PTPRD: variants seen among roughly 807,000 people sequenced by gnomAD.
The protein encoded by PTPRD is receptor-type tyrosine-protein phosphatase delta.
PTPRD carries 34 observed loss-of-function variants against 214.5 expected under a neutral mutation model. The ratio of observed to expected loss-of-function variants is 0.16; its 90% CI spans 0.12 to 0.21. The LOEUF is 0.21. Ranked by LOEUF, PTPRD falls within the 10% of genes least tolerant of loss-of-function variation. The pLI is 1.00. For synonymous variants in PTPRD, 1,128 were observed against 845.7 expected, an observed-to-expected ratio of 1.33 and a Z score of -5.79; for missense variants, 2,545 against 2,398.7, an observed-to-expected ratio of 1.06 and a Z score of -1.27.
chr9:8,674,810 TC>T (rs1463855484), intron 12 of PTPRD, among the ~76,000 whole-genome samples: 1 of 152,200 alleles, frequency 6.6e-6, no homozygotes, highest in Non-Finnish European at 1.5e-5. Flanking sequence ...AGCTTATACT[TC>T]ACTATTTTCC....
chr9:10,123,173 A>T (rs1174740332), intron 3 of PTPRD, among the ~76,000 whole-genome samples: 2 of 152,248 alleles, frequency 1.3e-5, no homozygotes, highest in African/African-American at 2.4e-5. Flanking sequence ...AGCAAAAAAG[A>T]TATTGAGAAA....
intron 8 of PTPRD, among the ~76,000 whole-genome samples, chr9:9,435,040 C>G (rs557822296): frequency 7.2e-5 from 11 of 151,776 alleles, no homozygotes; most frequent in Non-Finnish European, 1.3e-4. Context: ...ATGGAGTAAA[C>G]TGATAATTAG....
At position 8,877,492 on chromosome 9, in the gene PTPRD, T is replaced by G. The variant is rs186674795; in HGVS notation, c.-104+141205A>C. Among the ~76,000 whole-genome samples the G allele has an allele frequency of 5.1e-3, 770 of 152,322 alleles. 10 individuals carry two copies. The highest frequency in any genetic ancestry group is 0.018 in the African/African-American group (742 of 41,576). On this transcript the variant is annotated intron_variant, in intron 11 of 45. Transcript: ENST00000381196. The stretch of plus-strand genomic sequence containing the variant: ...GAATTCAGAGCAATAATAAATTAAC[T>G]TATTAAAAATAAATAGATTCTAATA...
chr9:10,176,777 C>A (rs574467441), intron 3 of PTPRD, among the ~76,000 whole-genome samples: 135 of 151,830 alleles, frequency 8.9e-4, no homozygotes, highest in Non-Finnish European at 1.1e-3. Flanking sequence ...GTACTACATT[C>A]CAAAGAAGAA....
At chr9:10,263,592 C>G (rs566092122) in intron 3 of PTPRD, among the ~76,000 whole-genome samples, 1 of 152,218 alleles carries the variant, frequency 6.6e-6, no homozygotes, top group African/African-American at 2.4e-5. Flanking sequence ...TTTAAGGTAT[C>G]TGGCGGAAGA....
At chr9:8,576,631 CA>C (rs71317371) in intron 14 of PTPRD, among the ~76,000 whole-genome samples, 2,737 of 115,948 alleles carry the variant, frequency 0.024, 43 homozygotes, top group East Asian at 0.078. Flanking sequence ...GCTAATGCAG[CA>C]AAAAAAAAAA....
intron 30 of PTPRD, among the ~76,000 whole-genome samples, chr9:8,481,577 C>T (rs2096886431): frequency 6.6e-6 from 1 of 152,022 alleles, no homozygotes; most frequent in Non-Finnish European, 1.5e-5. Flanking sequence ...ATCCCTTTGC[C>T]ATGCTGCTCT....
intron 8 of PTPRD, among the ~76,000 whole-genome samples, chr9:9,556,220 G>A (rs143063431): frequency 2.9e-4 from 44 of 152,232 alleles, no homozygotes; most frequent in African/African-American, 7.7e-4. Flanking sequence ...ATTAGAAAGC[G>A]AAAATATATT....
intron 8 of PTPRD, among the ~76,000 whole-genome samples, chr9:9,502,480 A>C (rs2096451300): frequency 6.6e-6 from 1 of 152,032 alleles, no homozygotes; most frequent in African/African-American, 2.4e-5. Flanking sequence ...TACCATACGT[A>C]TATGTATTTC....
chr9:9,539,148 T>C (rs2077078613), intron 8 of PTPRD, among the ~76,000 whole-genome samples: 1 of 151,838 alleles, frequency 6.6e-6, no homozygotes, highest in African/African-American at 2.4e-5. Context: ...AGGAGTTACT[T>C]AAAACAGGGT....
chr9:8,916,334 A>AT (rs1203089148), intron 11 of PTPRD, among the ~76,000 whole-genome samples: 2 of 152,334 alleles, frequency 1.3e-5, no homozygotes, highest in East Asian at 3.9e-4. Context: ...TTATTATGAC[A>AT]ATTATGACTG....
intron 44 of PTPRD, among the ~76,000 whole-genome samples, chr9:8,329,850 A>G: frequency 6.6e-6 from 1 of 152,118 alleles, no homozygotes; most frequent in South Asian, 2.1e-4. Context: ...CAGCAATGGC[A>G]GATGCCTCTC....
At chr9:9,474,683 T>A (rs1186485727) in intron 8 of PTPRD, among the ~76,000 whole-genome samples, 1 of 27,204 alleles carries the variant, frequency 3.7e-5, no homozygotes, top group African/African-American at 8.4e-5. Context: ...ATTCCTAGGG[T>A]TTTTTTTGTA....
At chr9:8,672,754 T>C (rs567329866) in intron 12 of PTPRD, among the ~76,000 whole-genome samples, 2 of 151,140 alleles carry the variant, frequency 1.3e-5, no homozygotes, top group African/African-American at 4.9e-5. Context: ...ATTATGAAAT[T>C]TTTAGTTAAG....
At chr9:9,787,620 AG>A (rs1281729874) in intron 5 of PTPRD, among the ~76,000 whole-genome samples, 2 of 152,048 alleles carry the variant, frequency 1.3e-5, no homozygotes, top group Non-Finnish European at 2.9e-5. Context: ...ACCAGGTAAA[AG>A]GGATTTGGGA....
At chr9:9,776,037 G>A (rs1199359198) in intron 5 of PTPRD, among the ~76,000 whole-genome samples, 3 of 149,874 alleles carry the variant, frequency 2.0e-5, no homozygotes, top group African/African-American at 7.4e-5. Context: ...CATCACCTAG[G>A]TTAATATAAG....
intron 14 of PTPRD, among the ~76,000 whole-genome samples, chr9:8,579,315 T>A (rs1016692570): frequency 1.3e-5 from 2 of 152,216 alleles, no homozygotes; most frequent in Non-Finnish European, 2.9e-5. Flanking sequence ...TATATAATCC[T>A]CAGTAAGAAA....
chr9:8,617,387 G>C (rs182397010), intron 14 of PTPRD, among the ~76,000 whole-genome samples: 1 of 152,142 alleles, frequency 6.6e-6, no homozygotes, highest in East Asian at 1.9e-4. Flanking sequence ...GTCTCATTTT[G>C]GAGAAATGCT....
chr9:9,216,876 T>C (rs1174112836), intron 9 of PTPRD, among the ~76,000 whole-genome samples: 1 of 152,188 alleles, frequency 6.6e-6, no homozygotes, highest in Non-Finnish European at 1.5e-5. Flanking sequence ...AATGGAACAG[T>C]TAAATGACTT....
Sources: gnomAD v4.1 joint callset for allele counts (sites outside exome capture counted in the v4.1 genomes callset) on GRCh38, gnomAD v4.1.1 for gene constraint, MANE v1.5 for transcripts, NCBI Gene and HGNC (gene_info 2026-07-23, HGNC 2026-07-21) for gene names.